ZBTB8OS: variants seen among roughly 807,000 people sequenced by gnomAD.
ZBTB8OS encodes the protein tRNA-splicing ligase-activating factor archease.
A neutral mutation model predicts 29.3 loss-of-function variants in ZBTB8OS; 16 were observed. That is an observed-to-expected ratio of 0.55 (90% confidence interval 0.37 to 0.83). The LOEUF (loss-of-function observed/expected upper bound fraction) is 0.83. Among genes scored for constraint, ZBTB8OS ranks in the 40% least tolerant of loss-of-function variants. The pLI is 0.00. For synonymous variants in ZBTB8OS, 70 were observed against 64.6 expected, an observed-to-expected ratio of 1.08 and a Z score of -0.40; for missense variants, 160 against 196.9, an observed-to-expected ratio of 0.81 and a Z score of 1.12.
intron 1 of ZBTB8OS, among the ~76,000 whole-genome samples, chr1:32,648,960 G>C (rs1487231174): frequency 1.5e-5 from 2 of 130,252 alleles, no homozygotes; most frequent in African/African-American, 5.7e-5. Flanking sequence ...CACAGCACCA[G>C]GCCTTTTTTT....
At chr1:32,644,443 A>C (rs1250155125) in intron 1 of ZBTB8OS, among the ~76,000 whole-genome samples, 1 of 152,002 alleles carries the variant, frequency 6.6e-6, no homozygotes, top group Non-Finnish European at 1.5e-5. Flanking sequence ...CAGAGTTAGT[A>C]AATACCAGGT....
chr1:32,641,008 T>TAAAAAAA (rs1171170029), intron 1 of ZBTB8OS, among the ~76,000 whole-genome samples: 1 of 2,236 alleles, frequency 4.5e-4, no homozygotes, highest in African/African-American at 9.5e-4. Flanking sequence ...CTACTAAAAA[T>TAAAAAAA]ACAAAAAAAA....
chr1:32,624,893 CA>C (rs751409126), intron 6 of ZBTB8OS, among the ~76,000 whole-genome samples: 1,583 of 114,828 alleles, frequency 0.014, 11 homozygotes, highest in Middle Eastern at 0.025. Context: ...GACTCCATCT[CA>C]AAAAAAAAAA....
intron 1 of ZBTB8OS, among the ~76,000 whole-genome samples, chr1:32,647,041 CAAAA>C (rs71006347): frequency 1.3e-4 from 5 of 39,390 alleles, no homozygotes; most frequent in Admixed American, 4.2e-4. Context: ...GATACTGTCT[CAAAA>C]AAAAAAAAAA....
rs570203267 is a variant in ZBTB8OS, at chr1:32,635,944, G to A, written c.98-1152C>T. Among the ~76,000 whole-genome samples, 249 of 152,160 alleles carry A rather than the reference G, an allele frequency of 1.6e-3. No individual in the cohort carries two copies. The Middle Eastern group carries it at 0.031, about 19-fold the overall frequency. On this transcript the variant is annotated intron_variant, in intron 1 of 6. Transcript: ENST00000468695. The stretch of plus-strand genomic sequence containing the variant: ...ACAAGATTAGAAATTAGAGTTTAAG[G>A]GTCATGTAGCCTCTAGCTCTAACAG...
Position 32,621,966 on chromosome 1 carries a change from G to GAAAAAAAA in ZBTB8OS, c.418-26_418-19dup, listed in dbSNP as rs78907409. The GAAAAAAAA allele has an allele frequency of 4.3e-6, 4 of 921,590 alleles. No individual in the cohort carries two copies. Among genetic ancestry groups the GAAAAAAAA allele is most frequent in the African/African-American group, 2.4e-5 (1 of 41,542 alleles). The allele number at this position is 921,590 out of a possible 1,614,324, so 57.1% of individuals were successfully genotyped here. A position where few individuals can be genotyped will look rare whatever the true frequency, so the allele number is the denominator to read the frequency against. On this transcript the variant is annotated intron_variant, in intron 6 of 6. Transcript: ENST00000468695. ...TCTGTTCCCTAAAGTTGGGGTTAGA[G>GAAAAAAAA]AAAAAAAAAAAAAAAAGGAAAATAG...
intron 6 of ZBTB8OS, among the ~76,000 whole-genome samples, chr1:32,623,982 G>A (rs567889412): frequency 5.9e-5 from 9 of 152,236 alleles, no homozygotes; most frequent in East Asian, 1.9e-4. Flanking sequence ...GTGATAGTGC[G>A]TGAGTTTTCA....
At chr1:32,626,252 T>C (rs1645126035) in intron 6 of ZBTB8OS, among the ~76,000 whole-genome samples, 1 of 152,194 alleles carries the variant, frequency 6.6e-6, no homozygotes, top group African/African-American at 2.4e-5. Context: ...GTGTAACAAC[T>C]GCCTATAGTA....
intron 5 of ZBTB8OS, among the ~76,000 whole-genome samples, chr1:32,628,813 G>A (rs958732335): frequency 1.8e-4 from 28 of 151,750 alleles, no homozygotes; most frequent in Non-Finnish European, 2.5e-4. Context: ...CCATGCGCCC[G>A]TGGTCCCACC....
intron 1 of ZBTB8OS, among the ~76,000 whole-genome samples, chr1:32,645,488 G>A (rs1646764396): frequency 6.6e-6 from 1 of 152,132 alleles, no homozygotes; most frequent in Non-Finnish European, 1.5e-5. Flanking sequence ...GGAGACAGAG[G>A]GAGACCCTTT....
intron 1 of ZBTB8OS, among the ~76,000 whole-genome samples, chr1:32,635,428 C>T (rs113318555): frequency 0.03 from 4,549 of 152,164 alleles, 100 homozygotes; most frequent in Non-Finnish European, 0.044. Context: ...CACACCACCA[C>T]ACCCAGCTAA....
At chr1:32,627,728 T>C (rs1439484225) in intron 5 of ZBTB8OS, 184 bp from the exon 6 acceptor site, 11 of 600,392 alleles carry the variant, frequency 1.8e-5, no homozygotes, top group Non-Finnish European at 2.9e-5. Flanking sequence ...TGCAGTGTCA[T>C]CATTTGCTCT....
In ZBTB8OS at chr1:32,621,963, A is replaced by ATT; in HGVS notation, c.418-16_418-15insAA. ...ACTTCTGTTCCCTAAAGTTGGGGTT[A>ATT]GAGAAAAAAAAAAAAAAAAGGAAAA... On this transcript the variant is annotated splice_polypyrimidine_tract_variant and intron_variant, in intron 6 of 6. Transcript: ENST00000468695. 1 of 1,311,802 alleles carries ATT rather than the reference A, an allele frequency of 7.6e-7. No individual in the cohort carries two copies. Among genetic ancestry groups the ATT allele is most frequent in the Non-Finnish European group, 1.0e-6 (1 of 957,592 alleles). The allele number at this position is 1,311,802 out of a possible 1,614,324, so 81.3% of individuals were successfully genotyped here.
intron 6 of ZBTB8OS, among the ~76,000 whole-genome samples, chr1:32,623,727 T>G (rs1216355334): frequency 6.6e-6 from 1 of 152,238 alleles, no homozygotes; most frequent in Non-Finnish European, 1.5e-5. Flanking sequence ...TCCCTGAACT[T>G]ACCTCATTTC....
Position 32,634,074 on chromosome 1 carries a change from T to G in ZBTB8OS, c.123-2A>C. 6.4e-7 allele frequency: 1 copy of G among 1,551,172 alleles called. No homozygotes were observed. Among genetic ancestry groups the G allele is most frequent in the Non-Finnish European group, 8.6e-7 (1 of 1,158,616 alleles). ...AGAGTATCTCCCCATGCGTGTAACC[T>G]AAAGAAGTATATTCATGCTCTGTGT... On this transcript the variant is annotated splice_acceptor_variant, in intron 2 of 6. Coordinates refer to ENST00000468695, the MANE Select transcript of ZBTB8OS (RefSeq NM_178547.5). LOFTEE classifies it high-confidence loss of function.
intron 1 of ZBTB8OS, among the ~76,000 whole-genome samples, chr1:32,647,517 G>A (rs1015978915): frequency 2.6e-5 from 4 of 151,964 alleles, no homozygotes; most frequent in African/African-American, 4.8e-5. Flanking sequence ...TTGGTGGCCT[G>A]TTAGGAACCA....
intron 2 of ZBTB8OS, chr1:32,634,393 A>C: frequency 3.2e-6 from 1 of 309,704 alleles, no homozygotes; most frequent in Non-Finnish European, 5.9e-6. Context: ...GACCCGGCTA[A>C]TTTTTGTATT....
intron 1 of ZBTB8OS, among the ~76,000 whole-genome samples, chr1:32,638,838 C>A (rs1218010530): frequency 6.6e-6 from 1 of 152,006 alleles, no homozygotes; most frequent in East Asian, 1.9e-4. Flanking sequence ...CGCTTGAACC[C>A]AGGTGGCAAA....
At chr1:32,623,625 C>T (rs569845211) in intron 6 of ZBTB8OS, among the ~76,000 whole-genome samples, 129 of 152,236 alleles carry the variant, frequency 8.5e-4, no homozygotes, top group Non-Finnish European at 1.5e-3. Context: ...TCCTATACTC[C>T]CCTTACCAAA....
Sources: allele counts gnomAD v4.1 joint callset (sites outside exome capture counted in the v4.1 genomes callset), GRCh38; gene constraint gnomAD v4.1.1; transcripts MANE v1.5; gene names NCBI Gene and HGNC (gene_info 2026-07-23, HGNC 2026-07-21).